Variants in CRYGN observed in about 807,000 individuals in gnomAD.
CRYGN encodes crystallin gamma N, also known as gamma-crystallin N.
Under a neutral mutation model 19.2 loss-of-function variants are expected in CRYGN, and 17 were observed. The observed-to-expected ratio is 0.89, with a 90% CI of 0.61 to 1.33. The LOEUF (loss-of-function observed/expected upper bound fraction) is 1.33. CRYGN is among the 40% of genes most tolerant of loss of function. The pLI is 0.00. For missense variants in CRYGN, 239 were observed against 239.6 expected (o/e 1.00, Z 0.02); for synonymous variants, 84 against 85.8 (o/e 0.98, Z 0.12).
In CRYGN at chr7:151,435,792, C is replaced by G. The variant is rs933532629; in HGVS notation, c.416+388G>C. ...CCAGCCCATAAGGCCCTGGAGGACCCCTTGGTAAGCAGGTGTCCCCCGGTT... is the reference window on the plus strand; with the variant it reads ...CCAGCCCATAAGGCCCTGGAGGACCGCTTGGTAAGCAGGTGTCCCCCGGTT... On this transcript the variant is annotated intron_variant, in intron 3 of 3. Coordinates refer to ENST00000337323, the MANE Select transcript of CRYGN (RefSeq NM_144727.3). The surrounding 1 kb of genome is among the most constrained non-coding windows in gnomAD (Gnocchi z 4.2). Among the ~76,000 whole-genome samples the G allele has an allele frequency of 5.9e-5, 9 of 152,116 alleles. No homozygotes were observed. Among genetic ancestry groups the G allele is most frequent in the African/African-American group, 2.2e-4 (9 of 41,428 alleles).
rs1044318561 is a variant in CRYGN, at chr7:151,429,911, G to A, written c.*137C>T. 2 of 703,248 alleles carry A rather than the reference G, an allele frequency of 2.8e-6. No homozygotes were observed. The highest frequency in any genetic ancestry group is 3.5e-5 in the African/African-American group (2 of 57,040). The allele number at this position is 703,248 out of a possible 1,614,324, so 43.6% of individuals were successfully genotyped here. A position where few individuals can be genotyped will look rare whatever the true frequency, so the allele number is the denominator to read the frequency against. On this transcript the variant is annotated 3_prime_UTR_variant, in exon 4 of 4. Transcript: ENST00000337323. ...CCATGGGTGGGGAGGGCCTCCCGCT[G>A]GCAGATATGACACACAGAAGGCTCC...
rs373042087 is a variant in CRYGN, at chr7:151,439,867, G to T, written c.21+30C>A. ...AGGGGGCGAAGGCGGAGCCCCACTC[G>T]GTTTCCTTGGGGTTGAGGGACGCAC... On this transcript the variant is annotated intron_variant, in intron 1 of 3. Coordinates refer to ENST00000337323, the MANE Select transcript of CRYGN (RefSeq NM_144727.3). The T allele has an allele frequency of 9.0e-6, 14 of 1,550,620 alleles. No individual in the cohort carries two copies. The African/African-American group carries it at 1.8e-4, about 20-fold the overall frequency.
In CRYGN at chr7:151,431,657, T is replaced by C. The variant is rs2150905487; in HGVS notation, c.417-1477A>G. On this transcript the variant is annotated intron_variant, in intron 3 of 3. Transcript: ENST00000337323. This position sits in a 1 kb window ranked among gnomAD's most constrained non-coding sequence, Gnocchi z 4.8. The stretch of plus-strand genomic sequence containing the variant: ...TGACACTCACCACCACTAACTGTTT[T>C]CTCTCTCGCAGGAGAGGGGTCTGCC... Among the ~76,000 whole-genome samples, 1 of 152,198 alleles carries C rather than the reference T, an allele frequency of 6.6e-6. No homozygotes were observed. The highest frequency in any genetic ancestry group is 1.9e-4 in the East Asian group (1 of 5,166).
upstream of CRYGN, chr7:151,440,268 T>C: frequency 2.7e-6 from 1 of 368,964 alleles, no homozygotes; most frequent in Non-Finnish European, 4.7e-6. Context: ...TCCCCTGCGC[T>C]GCCCCTCAGC....
At position 151,436,546 on chromosome 7, in the gene CRYGN, G is replaced by C. The variant is rs113195332; in HGVS notation, c.271-221C>G. On this transcript the variant is annotated intron_variant, in intron 2 of 3. Coordinates refer to ENST00000337323, the MANE Select transcript of CRYGN (RefSeq NM_144727.3). This position sits in a 1 kb window ranked among gnomAD's most constrained non-coding sequence, Gnocchi z 5.1. Reference sequence around the variant, plus strand: ...GAAAATGTTCCAAGCCACTGAGCTGGTCCAAGCTCCTCTTTCTACAACTAG... The same window carrying C: ...GAAAATGTTCCAAGCCACTGAGCTGCTCCAAGCTCCTCTTTCTACAACTAG... Among the ~76,000 whole-genome samples the C allele has an allele frequency of 6.1e-3, 924 of 152,254 alleles. 12 individuals carry two copies. The highest frequency in any genetic ancestry group is 0.022 in the African/African-American group (894 of 41,534).
intron 3 of CRYGN, chr7:151,432,191 C>G (rs527315716): frequency 8.1e-7 from 1 of 1,232,060 alleles, no homozygotes; most frequent in Non-Finnish European, 1.0e-6. Flanking sequence ...TGCACTCGTG[C>G]GCTGTGGGCC....
intron 2 of CRYGN, among the ~76,000 whole-genome samples, chr7:151,437,230 C>T (rs1184363413): frequency 6.6e-6 from 1 of 152,198 alleles, no homozygotes; most frequent in Non-Finnish European, 1.5e-5. Flanking sequence ...CAGATGTTCA[C>T]CAGAACCACC....
rs1270865053 is a variant in CRYGN, at chr7:151,436,159, G to A, written c.416+21C>T. 1.2e-5 allele frequency: 17 copies of A among 1,404,040 alleles called. No individual in the cohort carries two copies. The highest frequency in any genetic ancestry group is 6.9e-5 in the South Asian group (4 of 57,694). The allele number at this position is 1,404,040 out of a possible 1,614,324, so 87.0% of individuals were successfully genotyped here. A position where few individuals can be genotyped will look rare whatever the true frequency, so the allele number is the denominator to read the frequency against. ...AGGGCCTAGCCGGGCCTCGGGGTGC[G>A]GCCACGTGGCCTGTACTCACGCTCC... On this transcript the variant is annotated intron_variant, in intron 3 of 3. Transcript: ENST00000337323. This position sits in a 1 kb window ranked among gnomAD's most constrained non-coding sequence, Gnocchi z 5.1.
At position 151,436,149 on chromosome 7, in the gene CRYGN, C is replaced by T; in HGVS notation, c.416+31G>A. The T allele has an allele frequency of 7.2e-7, 1 of 1,396,256 alleles. No individual in the cohort carries two copies. Among genetic ancestry groups the T allele is most frequent in the Non-Finnish European group, 9.4e-7 (1 of 1,066,040 alleles). 86.5% of individuals were successfully genotyped at this position (1,396,256 alleles called of 1,614,324 possible). A position where few individuals can be genotyped will look rare whatever the true frequency, so the allele number is the denominator to read the frequency against. ...CTGGTGCTGAAGGGCCTAGCCGGGCCTCGGGGTGCGGCCACGTGGCCTGTA... is the reference window on the plus strand; with the variant it reads ...CTGGTGCTGAAGGGCCTAGCCGGGCTTCGGGGTGCGGCCACGTGGCCTGTA... On this transcript the variant is annotated intron_variant, in intron 3 of 3. Transcript: ENST00000337323. The surrounding 1 kb of genome is among the most constrained non-coding windows in gnomAD (Gnocchi z 5.1).
intron 2 of CRYGN, 52 bp downstream of exon 2, chr7:151,437,944 C>A (rs1192906118): frequency 2.5e-6 from 4 of 1,604,740 alleles, no homozygotes; most frequent in Non-Finnish European, 3.4e-6. Flanking sequence ...CAGGGCTGAC[C>A]CTCGGTCCCT....
chr7:151,440,129 G>A lies in CRYGN; in HGVS notation c.-212C>T. On this transcript the variant is annotated 5_prime_UTR_variant, in exon 1 of 4. Coordinates refer to ENST00000337323, the MANE Select transcript of CRYGN (RefSeq NM_144727.3). ...CCCGCCCTGCCCGGGGTCTCCCTGTGCTCTCCGCGTTTAGCTCCCGAGCCT... is the reference window on the plus strand; with the variant it reads ...CCCGCCCTGCCCGGGGTCTCCCTGTACTCTCCGCGTTTAGCTCCCGAGCCT... 7.5e-7 allele frequency: 1 copy of A among 1,341,416 alleles called. No individual in the cohort carries two copies. Among genetic ancestry groups the A allele is most frequent in the Admixed American group, 3.7e-5 (1 of 26,678 alleles). 83.1% of individuals were successfully genotyped at this position (1,341,416 alleles called of 1,614,324 possible).
chr7:151,438,391 C>A (rs533341792), intron 1 of CRYGN, 147 bp from the exon 2 acceptor site: 3 of 747,868 alleles, frequency 4.0e-6, no homozygotes, highest in African/African-American at 3.5e-5. Flanking sequence ...AGGTGCCCAA[C>A]ACTATTTGCC....
intron 1 of CRYGN, among the ~76,000 whole-genome samples, chr7:151,439,509 A>G (rs1436318667): frequency 6.6e-6 from 1 of 152,130 alleles, no homozygotes; most frequent in Non-Finnish European, 1.5e-5. Context: ...AACCAGCCCT[A>G]AGTGTCCCTG....
Position 151,439,984 on chromosome 7 carries a change from C to G in CRYGN, c.-67G>C, listed in dbSNP as rs1323552836. ...CAGCGCCCTGCTGGCTCAGCGCCGC[C>G]CCGGACAAAAGATTTGCTGGGCCGG... On this transcript the variant is annotated 5_prime_UTR_variant, in exon 1 of 4. Transcript: ENST00000337323. 2.8e-6 allele frequency: 4 copies of G among 1,453,498 alleles called. No individual in the cohort carries two copies. In the African/African-American group the frequency reaches 5.8e-5, roughly 21 times the overall value. 90.0% of individuals were successfully genotyped at this position (1,453,498 alleles called of 1,614,324 possible).
intron 2 of CRYGN, among the ~76,000 whole-genome samples, chr7:151,437,429 G>T (rs80036680): frequency 6.6e-6 from 1 of 152,188 alleles, no homozygotes; most frequent in Non-Finnish European, 1.5e-5. Context: ...CAGCTGGACC[G>T]AAACAGTCTT....
Position 151,438,020 on chromosome 7 carries a change from C to G in CRYGN, c.246G>C (p.Met82Ile). 1 of 1,613,788 alleles carries G rather than the reference C, an allele frequency of 6.2e-7. No individual in the cohort carries two copies. The highest frequency in any genetic ancestry group is 8.5e-7 in the Non-Finnish European group (1 of 1,180,034). The change falls in exon 2 of 4, where the codon ATG (methionine) becomes ATC (isoleucine). Residue 82 changes from methionine to isoleucine, a missense_variant. Met to Ile is a conservative substitution (Grantham distance 10). Transcript: ENST00000337323. ...FFRWNSHSDHMGSCRPVGMHG... is the reference protein window; with the variant it reads ...FFRWNSHSDHIGSCRPVGMHG... ...CCATTCCTACAGGCCGACAGGAGCC[C>G]ATGTGGTCACTGTGGCTGTTCCAGC...
Position 151,438,217 on chromosome 7 carries a change from T to TGA in CRYGN, c.47_48dup (p.Thr17SerfsTer21). ...CCGAAGACCTCCAGCTTCTGCCCTG[T>TGA]GAAGTGCTTGCCTTCATAGAGAGTG... On this transcript the variant is annotated frameshift_variant, in exon 2 of 4. Transcript: ENST00000337323. LOFTEE classifies it high-confidence loss of function. The TGA allele has an allele frequency of 1.9e-6, 3 of 1,613,392 alleles. No individual in the cohort carries two copies. Among genetic ancestry groups the TGA allele is most frequent in the Non-Finnish European group, 2.5e-6 (3 of 1,179,868 alleles).
chr7:151,432,023 A>T, intron 3 of CRYGN: 1 of 414,540 alleles, frequency 2.4e-6, no homozygotes, highest in Non-Finnish European at 4.1e-6. Flanking sequence ...CTGCCGAGAG[A>T]GCACTCAGAA....
In CRYGN at chr7:151,435,747, G is replaced by A. The variant is rs977497523; in HGVS notation, c.416+433C>T. On this transcript the variant is annotated intron_variant, in intron 3 of 3. Transcript: ENST00000337323. The surrounding 1 kb of genome is among the most constrained non-coding windows in gnomAD (Gnocchi z 4.2). ...GGCTGGTCCACCCTTCTCAGAGCAA[G>A]TGAGCCCACTGTGGCTTTTCCAGCC... Among the ~76,000 whole-genome samples the A allele has an allele frequency of 6.6e-6, 1 of 152,188 alleles. No homozygotes were observed. The highest frequency in any genetic ancestry group is 1.5e-5 in the Non-Finnish European group (1 of 68,028).
Sources: gnomAD v4.1 joint callset for allele counts (sites outside exome capture counted in the v4.1 genomes callset) on GRCh38, gnomAD v4.1.1 for gene constraint, Gnocchi (gnomAD v3.1) non-coding constraint, MANE v1.5 for transcripts, NCBI Gene and HGNC (gene_info 2026-07-23, HGNC 2026-07-21) for gene names.